The following ANK3 variants were observed in gnomAD, a reference collection of about 807,000 sequenced individuals.
ANK3 encodes the protein ankyrin 3, also known as ankyrin-3.
In ANK3, 57 loss-of-function variants were observed where a neutral mutation model predicts 370.9. That is an observed-to-expected ratio of 0.15 (90% CI 0.12 to 0.19). The LOEUF (loss-of-function observed/expected upper bound fraction) is 0.19, where lower values mean the gene tolerates loss of function less well. Ranked by LOEUF, ANK3 falls within the 10% of genes least tolerant of loss-of-function variation. ANK3 has a pLI of 1.00. For missense variants in ANK3, 4,439 were observed against 5,302.1 expected (o/e 0.84, Z 5.06); for synonymous variants, 1,929 against 1,946.3 (o/e 0.99, Z 0.23).
At chr10:60,103,920 G>C (rs1229514080) in intron 28 of ANK3, among the ~76,000 whole-genome samples, 1 of 152,130 alleles carries the variant, frequency 6.6e-6, no homozygotes, top group Non-Finnish European at 1.5e-5. Flanking sequence ...AAAAGAATGA[G>C]ATCCTGTCTT....
intron 2 of ANK3, among the ~76,000 whole-genome samples, chr10:60,566,166 T>C (rs1258058240): frequency 6.6e-6 from 1 of 152,216 alleles, no homozygotes; most frequent in South Asian, 2.1e-4. Context: ...ACCACATCCA[T>C]ATAAGATGGA....
intron 1 of ANK3, among the ~76,000 whole-genome samples, chr10:60,665,312 A>G (rs1312089383): frequency 1.3e-5 from 2 of 152,216 alleles, no homozygotes; most frequent in Non-Finnish European, 2.9e-5. Flanking sequence ...GAGACCAAAA[A>G]CATCAAAACG....
At chr10:60,672,961 T>C (rs2079080409) in intron 1 of ANK3, among the ~76,000 whole-genome samples, 1 of 152,156 alleles carries the variant, frequency 6.6e-6, no homozygotes, top group African/African-American at 2.4e-5. Context: ...GCATGATGAC[T>C]GTTCACTGTT....
intron 1 of ANK3, among the ~76,000 whole-genome samples, chr10:60,662,291 G>A (rs2078944891): frequency 6.6e-6 from 1 of 152,102 alleles, no homozygotes. Flanking sequence ...CTGAAACATA[G>A]TATGTGCCCA....
At chr10:60,166,751 G>C in intron 22 of ANK3, 73 bp downstream of exon 22, 1 of 1,585,768 alleles carries the variant, frequency 6.3e-7, no homozygotes, top group Non-Finnish European at 8.7e-7. Context: ...TTTTTGCAAT[G>C]GACTTTCTTC....
intron 2 of ANK3, among the ~76,000 whole-genome samples, chr10:60,601,188 C>G (rs1014071906): frequency 6.6e-6 from 1 of 151,484 alleles, no homozygotes; most frequent in Non-Finnish European, 1.5e-5. Context: ...CACACACACA[C>G]ACACACACAT....
chr10:60,215,220 G>A (rs571354745), intron 8 of ANK3, among the ~76,000 whole-genome samples: 2 of 151,898 alleles, frequency 1.3e-5, no homozygotes, highest in African/African-American at 4.8e-5. Flanking sequence ...TTTTTTTCTT[G>A]TAAATTTGTT....
intron 28 of ANK3, among the ~76,000 whole-genome samples, chr10:60,096,657 T>C (rs1307965215): frequency 6.6e-6 from 1 of 152,216 alleles, no homozygotes; most frequent in Non-Finnish European, 1.5e-5. Context: ...TGGTAGACTC[T>C]CATCCTGTAC....
At chr10:60,589,195 G>A (rs971481060) in intron 2 of ANK3, among the ~76,000 whole-genome samples, 12 of 152,122 alleles carry the variant, frequency 7.9e-5, no homozygotes, top group African/African-American at 2.9e-4. Flanking sequence ...TTCTACTTTC[G>A]GGTAAATGGG....
chr10:60,367,035 A>G (rs1445590654), intron 1 of ANK3, among the ~76,000 whole-genome samples: 1 of 152,198 alleles, frequency 6.6e-6, no homozygotes, highest in East Asian at 1.9e-4. Flanking sequence ...TCCTTTCCCA[A>G]CATCGTTCTA....
chr10:60,135,804 G>C (rs1452475729), intron 24 of ANK3, among the ~76,000 whole-genome samples: 1 of 152,098 alleles, frequency 6.6e-6, no homozygotes, highest in Non-Finnish European at 1.5e-5. Context: ...TTTTATCAAG[G>C]TACAGAGCCT....
intron 1 of ANK3, among the ~76,000 whole-genome samples, chr10:60,330,871 G>A (rs1255368687): frequency 4.6e-5 from 7 of 152,130 alleles, no homozygotes; most frequent in African/African-American, 1.7e-4. Context: ...CAACCCAAAT[G>A]CCCATCAATG....
chr10:60,320,940 T>A (rs7899737), intron 1 of ANK3, among the ~76,000 whole-genome samples: 23,063 of 152,144 alleles, frequency 0.15, 1,866 homozygotes, highest in African/African-American at 0.2. Flanking sequence ...GCTCTGTCAC[T>A]AAGTCCCCCA....
At chr10:60,627,708 T>A (rs907437750) in intron 1 of ANK3, among the ~76,000 whole-genome samples, 2 of 152,152 alleles carry the variant, frequency 1.3e-5, no homozygotes, top group Admixed American at 6.6e-5. Context: ...CTATGATCAG[T>A]TGGATGACTC....
At chr10:60,718,598 A>C (rs1032837242) in intron 1 of ANK3, among the ~76,000 whole-genome samples, 1 of 152,190 alleles carries the variant, frequency 6.6e-6, no homozygotes, top group African/African-American at 2.4e-5. Context: ...AACAAAAACT[A>C]TATGCTCCAG....
chr10:60,050,130 C>T lies in ANK3; in HGVS notation c.13065+5528G>A, dbSNP rs574264587. Among the ~76,000 whole-genome samples the T allele has an allele frequency of 1.1e-4, 16 of 152,218 alleles. No homozygotes were observed. The South Asian group carries it at 3.1e-3, about 30-fold the overall frequency. On this transcript the variant is annotated intron_variant, in intron 42 of 43. Transcript: ENST00000280772. ...CAGAAAAACAGAATCAAGCATTCCC[C>T]CACCCCAACCCAGAGAACATGTGTG...
chr10:60,591,540 A>G (rs923692531), intron 2 of ANK3, among the ~76,000 whole-genome samples: 5 of 152,058 alleles, frequency 3.3e-5, no homozygotes, highest in African/African-American at 1.2e-4. Flanking sequence ...CTAAAAATTG[A>G]ACTACCATAT....
At chr10:60,387,907 T>C (rs1314470501) in intron 1 of ANK3, among the ~76,000 whole-genome samples, 1 of 152,198 alleles carries the variant, frequency 6.6e-6, no homozygotes, top group Non-Finnish European at 1.5e-5. Context: ...CCCTAAAATA[T>C]AGTGTCAATA....
chr10:60,367,354 A>G (rs1320609742), intron 1 of ANK3, among the ~76,000 whole-genome samples: 1 of 152,216 alleles, frequency 6.6e-6, no homozygotes, highest in Non-Finnish European at 1.5e-5. Flanking sequence ...TGCTAAAAAG[A>G]GGATTAGAAT....
Sources: allele counts gnomAD v4.1 joint callset (sites outside exome capture counted in the v4.1 genomes callset), GRCh38; gene constraint gnomAD v4.1.1; transcripts MANE v1.5; gene names NCBI Gene and HGNC (gene_info 2026-07-23, HGNC 2026-07-21).